Variants in PIEZO2 observed in about 807,000 individuals in gnomAD.
The protein encoded by PIEZO2 is piezo type mechanosensitive ion channel component 2.
PIEZO2 carries 172 observed loss-of-function variants against 337.3 expected under a neutral mutation model. That is an observed-to-expected ratio of 0.51 (90% CI 0.45 to 0.58). The LOEUF is 0.58. PIEZO2 is among the 20% of genes least tolerant of loss of function. The pLI is 0.00. For synonymous variants in PIEZO2, 1,251 were observed against 1,228.5 expected, an observed-to-expected ratio of 1.02 and a Z score of -0.38; for missense variants, 3,028 against 3,391.3, an observed-to-expected ratio of 0.89 and a Z score of 2.66.
At position 10,773,523 on chromosome 18, in the gene PIEZO2, G is replaced by T. The variant is rs2038678299; in HGVS notation, c.2674C>A (p.Leu892Ile). Residue 892 changes from leucine (L) to isoleucine (I), a missense_variant, in exon 20 of 56, where the codon CTT becomes ATT. Coordinates refer to ENST00000674853, the MANE Select transcript of PIEZO2 (RefSeq NM_001378183.1). The surrounding 1 kb of genome is among the most constrained non-coding windows in gnomAD (Gnocchi z 5.3). ...TGGGCTTTTTCAGAGTAGCCCTCAA[G>T]CTTCTCCTCCCCAGGCTCAGCCAAC... ...RKLAEPGEEK[L>I]EGYSEKAQKG... 6.5e-7 allele frequency: 1 copy of T among 1,537,296 alleles called. No homozygotes were observed. The highest frequency in any genetic ancestry group is 1.4e-5 in the African/African-American group (1 of 73,022).
At chr18:10,921,541 A>G (rs577824818) in intron 3 of PIEZO2, among the ~76,000 whole-genome samples, 13 of 152,046 alleles carry the variant, frequency 8.6e-5, no homozygotes, top group Non-Finnish European at 2.9e-5. Context: ...GCTGAGGAGG[A>G]TGTATGTCGC....
intron 35 of PIEZO2, among the ~76,000 whole-genome samples, 176 bp downstream of exon 35, chr18:10,735,056 C>T (rs942825079): frequency 3.3e-5 from 5 of 152,134 alleles, no homozygotes; most frequent in Non-Finnish European, 4.4e-5. Flanking sequence ...ATAAGAACTT[C>T]GGCTTCTAAG....
intron 2 of PIEZO2, among the ~76,000 whole-genome samples, chr18:11,052,288 T>C (rs1053167619): frequency 1.3e-5 from 2 of 152,186 alleles, no homozygotes; most frequent in Non-Finnish European, 2.9e-5. Flanking sequence ...ACTGCTTGAC[T>C]TTTACAGTCA....
At chr18:11,006,098 C>CTGT (rs1425934901) in intron 2 of PIEZO2, among the ~76,000 whole-genome samples, 1 of 152,176 alleles carries the variant, frequency 6.6e-6, no homozygotes, top group Non-Finnish European at 1.5e-5. Flanking sequence ...AGATTTGGAC[C>CTGT]TCTCAGGAAG....
At position 10,726,293 on chromosome 18, in the gene PIEZO2, G is replaced by C; in HGVS notation, c.5029+5114C>G. On this transcript the variant is annotated intron_variant, in intron 36 of 55. Transcript: ENST00000674853. This position sits in a 1 kb window ranked among gnomAD's most constrained non-coding sequence, Gnocchi z 5.9. Reference sequence around the variant, plus strand: ...CATGAGAATGGAAGCGTCGCGGCCAGAGCCCCGGCCAGGTGGAGCAGGTGG... The same window carrying C: ...CATGAGAATGGAAGCGTCGCGGCCACAGCCCCGGCCAGGTGGAGCAGGTGG... The C allele has an allele frequency of 9.8e-7, 1 of 1,016,714 alleles. No individual in the cohort carries two copies. 63.0% of individuals were successfully genotyped at this position (1,016,714 alleles called of 1,614,324 possible).
intron 2 of PIEZO2, among the ~76,000 whole-genome samples, chr18:11,014,021 G>GGAT (rs1486375168): frequency 6.6e-6 from 1 of 152,202 alleles, no homozygotes; most frequent in Non-Finnish European, 1.5e-5. Context: ...AAAGGTAAAG[G>GGAT]GATGGTTTGC....
At chr18:11,090,268 G>T (rs2039035838) in intron 1 of PIEZO2, among the ~76,000 whole-genome samples, 1 of 151,698 alleles carries the variant, frequency 6.6e-6, no homozygotes. Flanking sequence ...TGACAAGAAA[G>T]AAATAAAAGA....
rs1359321252 is a variant in PIEZO2 at position 10,859,243 on chromosome 18, C to T, written c.493-2032G>A. 1.3e-5 allele frequency among the ~76,000 whole-genome samples: 2 copies of T among 152,176 alleles called. No individual in the cohort carries two copies. The highest frequency in any genetic ancestry group is 4.8e-5 in the African/African-American group (2 of 41,440). ...GGTGGAGGAAAGAGCTGGTCCAAGG[C>T]TTGGTGGCATGTGCAGAAAGAGGGT... On this transcript the variant is annotated intron_variant, in intron 5 of 55. Transcript: ENST00000674853. This position sits in a 1 kb window ranked among gnomAD's most constrained non-coding sequence, Gnocchi z 4.9.
chr18:10,784,658 T>A lies in PIEZO2; in HGVS notation c.2492+126A>T. ...TTTTCCTCTTTTTCTCACAAGCTGA[T>A]ACTCATGGAAAATTCAAGGCTGAAA... On this transcript the variant is annotated intron_variant, in intron 17 of 55. Transcript: ENST00000674853. The surrounding 1 kb of genome is among the most constrained non-coding windows in gnomAD (Gnocchi z 4.5). The A allele has an allele frequency of 3.4e-6, 3 of 883,286 alleles. No individual in the cohort carries two copies. Among genetic ancestry groups the A allele is most frequent in the Non-Finnish European group, 4.9e-6 (3 of 606,848 alleles). 54.7% of individuals were successfully genotyped at this position (883,286 alleles called of 1,614,324 possible).
chr18:11,095,908 G>A (rs1220266172), intron 1 of PIEZO2, among the ~76,000 whole-genome samples: 3 of 152,182 alleles, frequency 2.0e-5, no homozygotes, highest in Non-Finnish European at 4.4e-5. Context: ...AAGGCCTTAA[G>A]TTTATTTGTA....
At position 10,676,122 on chromosome 18, in the gene PIEZO2, G is replaced by A. The variant is rs988022132; in HGVS notation, c.8082-834C>T. On this transcript the variant is annotated intron_variant, in intron 53 of 55. Transcript: ENST00000674853. This position sits in a 1 kb window ranked among gnomAD's most constrained non-coding sequence, Gnocchi z 5.1. Reference sequence around the variant, plus strand: ...GAAGAGAGATGGTGGCCTGGACCTCGAGTGACCTCTGCCTCCCACAAGCCC... The same window carrying A: ...GAAGAGAGATGGTGGCCTGGACCTCAAGTGACCTCTGCCTCCCACAAGCCC... 2.0e-5 allele frequency among the ~76,000 whole-genome samples: 3 copies of A among 152,186 alleles called. No individual in the cohort carries two copies. Among genetic ancestry groups the A allele is most frequent in the South Asian group, 2.1e-4 (1 of 4,820 alleles).
intron 3 of PIEZO2, among the ~76,000 whole-genome samples, chr18:10,918,641 C>T (rs1189729567): frequency 6.6e-6 from 1 of 151,932 alleles, no homozygotes; most frequent in Non-Finnish European, 1.5e-5. Flanking sequence ...CAATGATTTA[C>T]AAAACGTGAA....
At chr18:10,710,387 C>G (rs73383104) in intron 39 of PIEZO2, among the ~76,000 whole-genome samples, 4,308 of 152,268 alleles carry the variant, frequency 0.028, 211 homozygotes, top group African/African-American at 0.098. Flanking sequence ...GACGGGCCCC[C>G]CCACTGCCAG....
At position 10,676,841 on chromosome 18, in the gene PIEZO2, C is replaced by T. The variant is rs151336517; in HGVS notation, c.8081+906G>A. On this transcript the variant is annotated intron_variant, in intron 53 of 55. Coordinates refer to ENST00000674853, the MANE Select transcript of PIEZO2 (RefSeq NM_001378183.1). This position sits in a 1 kb window ranked among gnomAD's most constrained non-coding sequence, Gnocchi z 5.1. Reference sequence around the variant, plus strand: ...GGTGGCAGACATGAATGACAAGAGGCCTGAATCATTTTAGTGCAGTCCCAT... The same window carrying T: ...GGTGGCAGACATGAATGACAAGAGGTCTGAATCATTTTAGTGCAGTCCCAT... Among the ~76,000 whole-genome samples the T allele has an allele frequency of 1.7e-3, 262 of 152,298 alleles. 1 individual carries two copies. The highest frequency in any genetic ancestry group is 5.7e-3 in the African/African-American group (236 of 41,562).
At chr18:11,006,876 A>AT (rs1186859557) in intron 2 of PIEZO2, among the ~76,000 whole-genome samples, 2 of 152,088 alleles carry the variant, frequency 1.3e-5, no homozygotes, top group Admixed American at 6.5e-5. Flanking sequence ...TTACCTATAT[A>AT]TTTTTTATTT....
chr18:11,143,906 A>C lies in PIEZO2; in HGVS notation c.64+4619T>G, dbSNP rs2040740735. Among the ~76,000 whole-genome samples the C allele has an allele frequency of 6.6e-6, 1 of 152,238 alleles. No homozygotes were observed. Among genetic ancestry groups the C allele is most frequent in the Non-Finnish European group, 1.5e-5 (1 of 68,046 alleles). On this transcript the variant is annotated intron_variant, in intron 1 of 55. Coordinates refer to ENST00000674853, the MANE Select transcript of PIEZO2 (RefSeq NM_001378183.1). The surrounding 1 kb of genome is among the most constrained non-coding windows in gnomAD (Gnocchi z 4.9). ...GTGCTGTGCACACTATCTCACAACC[A>C]TGCATGTAATTCTTGAGTGTTAAAA... is the stretch of plus-strand genomic sequence containing the variant.
chr18:10,778,999 TAGATTATTGCTCAGGATTTCTAG>T (rs771281440), intron 18 of PIEZO2, among the ~76,000 whole-genome samples: 1 of 152,234 alleles, frequency 6.6e-6, no homozygotes, highest in Non-Finnish European at 1.5e-5. Flanking sequence ...GGATGGGATT[TAGATTATTGCTCAGGATTTCTAG>T]CTAGAGTCTG....
At chr18:11,142,026 T>C (rs1183493941) in intron 1 of PIEZO2, among the ~76,000 whole-genome samples, 2 of 152,174 alleles carry the variant, frequency 1.3e-5, no homozygotes, top group Non-Finnish European at 2.9e-5. Flanking sequence ...CCATCCACAA[T>C]ATCCTAGTTT....
In PIEZO2 at chr18:11,096,077, G is replaced by A. The variant is rs1308797300; in HGVS notation, c.65-29855C>T. On this transcript the variant is annotated intron_variant, in intron 1 of 55. Transcript: ENST00000674853. The surrounding 1 kb of genome is among the most constrained non-coding windows in gnomAD (Gnocchi z 4.6). ...GCCTCCACTGCATGGAAAGGGCTTG[G>A]AACCAGCGGAGCTGTCCAAGTGAGG... Among the ~76,000 whole-genome samples the A allele has an allele frequency of 6.6e-6, 1 of 152,202 alleles. No homozygotes were observed. The highest frequency in any genetic ancestry group is 6.5e-5 in the Admixed American group (1 of 15,288).
Sources: gnomAD v4.1 joint callset for allele counts (sites outside exome capture counted in the v4.1 genomes callset) on GRCh38, gnomAD v4.1.1 for gene constraint, Gnocchi (gnomAD v3.1) non-coding constraint, MANE v1.5 for transcripts, NCBI Gene and HGNC (gene_info 2026-07-23, HGNC 2026-07-21) for gene names.